PRKCB: variants seen among roughly 807,000 people sequenced by gnomAD.
PRKCB encodes protein kinase C beta.
In PRKCB, 13 loss-of-function variants were observed where a neutral mutation model predicts 81.5. The observed-to-expected ratio is 0.16, with a 90% CI of 0.10 to 0.25. The LOEUF is 0.25. PRKCB is among the 10% of genes least tolerant of loss of function. The pLI is 1.00. For missense variants in PRKCB, 509 were observed against 875.7 expected (o/e 0.58, Z 5.29); for synonymous variants, 335 against 321.4 (o/e 1.04, Z -0.45).
intron 15 of PRKCB, among the ~76,000 whole-genome samples, chr16:24,190,510 GT>G (rs1967773749): frequency 2.2e-5 from 3 of 139,500 alleles, no homozygotes; most frequent in African/African-American, 8.0e-5. Context: ...TTTTTTGGTT[GT>G]TTTTTTGGTT....
chr16:24,086,755 T>TAACAA (rs1966315399), intron 5 of PRKCB, among the ~76,000 whole-genome samples: 2 of 152,248 alleles, frequency 1.3e-5, no homozygotes, highest in South Asian at 4.1e-4. Context: ...CAGGTTCCTC[T>TAACAA]ACCTGTTCCT....
At chr16:24,083,594 G>C (rs1966276636) in intron 5 of PRKCB, among the ~76,000 whole-genome samples, 1 of 152,194 alleles carries the variant, frequency 6.6e-6, no homozygotes, top group Non-Finnish European at 1.5e-5. Flanking sequence ...TTTTCTTGCT[G>C]TATGATTCCA....
In PRKCB at chr16:24,004,063, A is replaced by C. The variant is rs529644901; in HGVS notation, c.288+15473A>C. Among the ~76,000 whole-genome samples the C allele has an allele frequency of 1.5e-3, 224 of 152,328 alleles. 7 individuals are homozygous for C. The South Asian group carries it at 0.044, about 30-fold the overall frequency. On this transcript the variant is annotated intron_variant, in intron 3 of 16. Transcript: ENST00000643927. ...GAAACAATCTAGAGATAAAACAACA[A>C]AGAAAATTATGATCAATATAACAAA... is the stretch of plus-strand genomic sequence containing the variant.
chr16:24,214,894 A>G lies in PRKCB; in HGVS notation c.*78A>G, dbSNP rs567706096. ...TTGTGGTGACATTTTTATGTTTTTC[A>G]TTGCCAAGTTGCATCCATGTTTGAT... On this transcript the variant is annotated 3_prime_UTR_variant, in exon 17 of 17. Transcript: ENST00000643927. 1.3e-6 allele frequency: 2 copies of G among 1,566,600 alleles called. No homozygotes were observed. The highest frequency in any genetic ancestry group is 1.3e-5 in the African/African-American group (1 of 74,094).
chr16:24,119,885 C>T (rs1966779020), intron 8 of PRKCB, among the ~76,000 whole-genome samples: 1 of 152,150 alleles, frequency 6.6e-6, no homozygotes, highest in Admixed American at 6.5e-5. Context: ...TAAACCTCAA[C>T]ATATCTTACT....
intron 2 of PRKCB, among the ~76,000 whole-genome samples, chr16:23,917,039 G>C (rs902985037): frequency 6.6e-6 from 1 of 152,096 alleles, no homozygotes; most frequent in Admixed American, 6.5e-5. Context: ...GCCTCCCAAA[G>C]TGTTGGGGTT....
At chr16:23,941,568 G>A (rs1964141013) in intron 2 of PRKCB, among the ~76,000 whole-genome samples, 1 of 152,116 alleles carries the variant, frequency 6.6e-6, no homozygotes, top group African/African-American at 2.4e-5. Flanking sequence ...CATGATCAAG[G>A]AAGCTTCATT....
chr16:23,960,127 G>A (rs896908035), intron 2 of PRKCB, among the ~76,000 whole-genome samples: 3 of 152,124 alleles, frequency 2.0e-5, no homozygotes, highest in African/African-American at 4.8e-5. Flanking sequence ...GTCCCCCAGG[G>A]CCCATCCTCA....
intron 2 of PRKCB, among the ~76,000 whole-genome samples, chr16:23,837,667 T>C (rs2188357): frequency 0.75 from 114,116 of 152,026 alleles, 42,895 homozygotes; most frequent in Admixed American, 0.79. Context: ...CAAAGCGGTC[T>C]CCTGAAGCAA....
chr16:23,894,649 G>C (rs934812252), intron 2 of PRKCB, among the ~76,000 whole-genome samples: 2 of 152,214 alleles, frequency 1.3e-5, no homozygotes, highest in Non-Finnish European at 2.9e-5. Context: ...ACCTGGCTGA[G>C]TCTAGCCAAC....
At chr16:23,857,426 G>C (rs1047811446) in intron 2 of PRKCB, among the ~76,000 whole-genome samples, 4 of 152,222 alleles carry the variant, frequency 2.6e-5, no homozygotes, top group African/African-American at 9.6e-5. Flanking sequence ...CAGTATGCCA[G>C]CACGGAGGTG....
chr16:24,180,193 T>C (rs1418315533), intron 12 of PRKCB, among the ~76,000 whole-genome samples: 1 of 152,210 alleles, frequency 6.6e-6, no homozygotes, highest in African/African-American at 2.4e-5. Context: ...TCCACCTGCC[T>C]TGGCCTCCCG....
chr16:24,095,835 C>T (rs1197831022), intron 7 of PRKCB, among the ~76,000 whole-genome samples: 3 of 152,074 alleles, frequency 2.0e-5, no homozygotes, highest in Non-Finnish European at 2.9e-5. Context: ...ATCTTATCTG[C>T]GGGGGTCATT....
intron 2 of PRKCB, among the ~76,000 whole-genome samples, chr16:23,895,136 A>G (rs1963357278): frequency 6.6e-6 from 1 of 152,102 alleles, no homozygotes; most frequent in Non-Finnish European, 1.5e-5. Context: ...CAAATGTGTT[A>G]TGTTTTTTTA....
At chr16:23,962,397 C>A (rs1407740987) in intron 2 of PRKCB, among the ~76,000 whole-genome samples, 2 of 152,214 alleles carry the variant, frequency 1.3e-5, no homozygotes, top group African/African-American at 4.8e-5. Context: ...TCCTTGAATG[C>A]ACCTTTGCAA....
At chr16:24,019,326 A>G (rs545713980) in intron 3 of PRKCB, among the ~76,000 whole-genome samples, 2 of 152,296 alleles carry the variant, frequency 1.3e-5, no homozygotes, top group East Asian at 1.9e-4. Flanking sequence ...CCTGGGCAAC[A>G]TAGTGAGACC....
intron 9 of PRKCB, among the ~76,000 whole-genome samples, chr16:24,130,019 A>G (rs953883067): frequency 6.6e-6 from 1 of 152,236 alleles, no homozygotes; most frequent in African/African-American, 2.4e-5. Context: ...CTATCCGTCC[A>G]TCAACGCTTT....
At chr16:24,173,847 G>A (rs1967485670) in intron 11 of PRKCB, among the ~76,000 whole-genome samples, 1 of 152,188 alleles carries the variant, frequency 6.6e-6, no homozygotes, top group Non-Finnish European at 1.5e-5. Flanking sequence ...CCTCATTTGA[G>A]GAATGGGGAG....
At chr16:24,044,257 G>A (rs889197372) in intron 5 of PRKCB, among the ~76,000 whole-genome samples, 2 of 152,096 alleles carry the variant, frequency 1.3e-5, no homozygotes, top group African/African-American at 2.4e-5. Context: ...TGCTCTGGAG[G>A]GTGAGACACG....
Sources: gnomAD v4.1 joint callset for allele counts (sites outside exome capture counted in the v4.1 genomes callset) on GRCh38, gnomAD v4.1.1 for gene constraint, MANE v1.5 for transcripts, NCBI Gene and HGNC (gene_info 2026-07-23, HGNC 2026-07-21) for gene names.